MYO1B: variants seen among roughly 807,000 people sequenced by gnomAD.
MYO1B encodes the protein myosin IB, also known as unconventional myosin-Ib.
MYO1B carries 72 observed loss-of-function variants against 159.7 expected under a neutral mutation model. That is an observed-to-expected ratio of 0.45 (90% CI 0.37 to 0.55). The LOEUF (loss-of-function observed/expected upper bound fraction) is 0.55, where lower values mean the gene tolerates loss of function less well. Ranked by LOEUF, MYO1B falls within the 20% of genes least tolerant of loss-of-function variation. The probability of loss-of-function intolerance (pLI) is 0.00; values close to 1 mark genes in which losing one functional copy is unlikely to be tolerated. For synonymous variants in MYO1B, 468 were observed against 473.8 expected (o/e 0.99, Z 0.16); for missense variants, 1,062 against 1,364.8 (o/e 0.78, Z 3.50).
chr2:191,294,643 A>G (rs1418373824), intron 2 of MYO1B, among the ~76,000 whole-genome samples: 1 of 152,186 alleles, frequency 6.6e-6, no homozygotes, highest in Admixed American at 6.5e-5. Context: ...AGGCCAGATT[A>G]ATTGGGTCCT....
intron 24 of MYO1B, among the ~76,000 whole-genome samples, chr2:191,406,653 T>G (rs1696932850): frequency 6.6e-6 from 1 of 152,206 alleles, no homozygotes; most frequent in Non-Finnish European, 1.5e-5. Flanking sequence ...GTCTCTTGAT[T>G]AAGTTCACCA....
chr2:191,346,058 T>A (rs1047583491), intron 5 of MYO1B, among the ~76,000 whole-genome samples, 178 bp from the exon 6 acceptor site: 1 of 152,232 alleles, frequency 6.6e-6, no homozygotes, highest in African/African-American at 2.4e-5. Flanking sequence ...ACATGGAAGC[T>A]TTAGCAACTT....
chr2:191,339,013 A>G (rs541864739), intron 4 of MYO1B, among the ~76,000 whole-genome samples: 2 of 152,322 alleles, frequency 1.3e-5, no homozygotes, highest in Admixed American at 1.3e-4. Flanking sequence ...CATATACATA[A>G]TATATGTGAG....
intron 4 of MYO1B, among the ~76,000 whole-genome samples, chr2:191,338,787 A>G (rs1692023982): frequency 6.6e-6 from 1 of 152,214 alleles, no homozygotes; most frequent in Non-Finnish European, 1.5e-5. Flanking sequence ...CAGAATAACA[A>G]AAGAGCCTGA....
Position 191,314,480 on chromosome 2 carries a change from T to C in MYO1B, c.252-15455T>C, listed in dbSNP as rs186464549. Among the ~76,000 whole-genome samples the C allele has an allele frequency of 7.4e-4, 112 of 152,362 alleles. 1 individual carries two copies. Among genetic ancestry groups the C allele is most frequent in the Middle Eastern group, 3.4e-3 (1 of 294 alleles). ...ATATTACTGATTTTCTTGGAACCAA[T>C]ATGTCTGTTGGAATTATTAGAAAAT... On this transcript the variant is annotated intron_variant, in intron 3 of 30. Coordinates refer to ENST00000392318, the MANE Select transcript of MYO1B (RefSeq NM_001130158.3).
chr2:191,387,206 T>C lies in MYO1B; in HGVS notation c.1555-18T>C. On this transcript the variant is annotated intron_variant, in intron 16 of 30. Transcript: ENST00000392318. The stretch of plus-strand genomic sequence containing the variant: ...GCATGCAATGTGCCTGTCATTGAGT[T>C]ACATGTGCTGCTTATAGGTGCTGTA... The C allele has an allele frequency of 6.2e-7, 1 of 1,605,054 alleles. No individual in the cohort carries two copies. Among genetic ancestry groups the C allele is most frequent in the African/African-American group, 1.3e-5 (1 of 74,758 alleles).
intron 2 of MYO1B, among the ~76,000 whole-genome samples, chr2:191,286,155 A>G (rs917195475): frequency 3.3e-5 from 5 of 152,178 alleles, no homozygotes; most frequent in Admixed American, 2.6e-4. Flanking sequence ...TGCATCACAA[A>G]TATGTTTCTG....
At chr2:191,337,758 C>T (rs6434463) in intron 4 of MYO1B, among the ~76,000 whole-genome samples, 13,771 of 152,064 alleles carry the variant, frequency 0.091, 2,044 homozygotes, top group African/African-American at 0.31. Flanking sequence ...TTTTAAATGA[C>T]AATATTCTTA....
Position 191,300,639 on chromosome 2 carries a change from C to CTTT in MYO1B, c.251+4427_251+4429dup, listed in dbSNP as rs1233709923. On this transcript the variant is annotated intron_variant, in intron 3 of 30. Transcript: ENST00000392318. ...TTACAGGTGTGACACTGTGCGCAGC[C>CTTT]TTTTTTTTTTTTTTTTAAGAGATGA... 3.9e-4 allele frequency among the ~76,000 whole-genome samples: 26 copies of CTTT among 66,930 alleles called. 1 individual carries two copies. Among genetic ancestry groups the CTTT allele is most frequent in the South Asian group, 7.4e-4 (1 of 1,356 alleles). The allele number at this position is 66,930 out of a possible 152,430, so 43.9% of individuals were successfully genotyped here. A position where few individuals can be genotyped will look rare whatever the true frequency, so the allele number is the denominator to read the frequency against.
chr2:191,384,005 A>G (rs1695255694), intron 15 of MYO1B, among the ~76,000 whole-genome samples: 1 of 152,202 alleles, frequency 6.6e-6, no homozygotes, highest in Non-Finnish European at 1.5e-5. Flanking sequence ...TGCAGAGGGC[A>G]TTGCATGTGT....
chr2:191,376,190 T>C (rs985230466), intron 13 of MYO1B, among the ~76,000 whole-genome samples: 1 of 152,174 alleles, frequency 6.6e-6, no homozygotes, highest in East Asian at 1.9e-4. Context: ...GAAGAAAAAA[T>C]GTTAAGGGAA....
chr2:191,326,152 C>T (rs934085887), intron 3 of MYO1B, among the ~76,000 whole-genome samples: 3 of 152,194 alleles, frequency 2.0e-5, no homozygotes, highest in African/African-American at 7.2e-5. Flanking sequence ...ACAATGCTGA[C>T]ACGGTCACAA....
intron 10 of MYO1B, 33 bp from the exon 11 acceptor site, chr2:191,364,125 C>A: frequency 6.5e-7 from 1 of 1,537,124 alleles, no homozygotes; most frequent in South Asian, 1.1e-5. Flanking sequence ...CGTGTACAGT[C>A]ACTTTTTGTG....
chr2:191,298,469 C>T (rs904079227), intron 3 of MYO1B, among the ~76,000 whole-genome samples: 1 of 152,136 alleles, frequency 6.6e-6, no homozygotes, highest in African/African-American at 2.4e-5. Context: ...ATCAGAATTC[C>T]CCCAGGGGCT....
chr2:191,384,885 A>T (rs1347607770), intron 15 of MYO1B, among the ~76,000 whole-genome samples: 1 of 152,244 alleles, frequency 6.6e-6, no homozygotes, highest in African/African-American at 2.4e-5. Flanking sequence ...TCCTTCCAGC[A>T]TCATTAAACA....
At chr2:191,379,576 T>A (rs1694922084) in intron 13 of MYO1B, among the ~76,000 whole-genome samples, 1 of 152,320 alleles carries the variant, frequency 6.6e-6, no homozygotes, top group South Asian at 2.1e-4. Context: ...AGGACACTAG[T>A]GCTTTCCTTT....
chr2:191,384,499 G>A (rs1335846421), intron 15 of MYO1B, among the ~76,000 whole-genome samples: 1 of 151,950 alleles, frequency 6.6e-6, no homozygotes, highest in Non-Finnish European at 1.5e-5. Flanking sequence ...ATATTCTAAG[G>A]CATCACTATT....
chr2:191,313,447 C>T (rs377748285), intron 3 of MYO1B, among the ~76,000 whole-genome samples: 4 of 151,706 alleles, frequency 2.6e-5, no homozygotes, highest in Non-Finnish European at 4.4e-5. Flanking sequence ...TGCAGTGGCA[C>T]GATCTCGGCT....
In MYO1B at chr2:191,313,192, C is replaced by CT. The variant is rs762175060; in HGVS notation, c.252-16708dup. On this transcript the variant is annotated intron_variant, in intron 3 of 30. Coordinates refer to ENST00000392318, the MANE Select transcript of MYO1B (RefSeq NM_001130158.3). Reference sequence around the variant, plus strand: ...TAGTTATAATATCTGGCACACATGGCTTTTTTTTTTTTTTTTTTTTTTTTT... The same window carrying CT: ...TAGTTATAATATCTGGCACACATGGCTTTTTTTTTTTTTTTTTTTTTTTTTT... 6.5e-4 allele frequency among the ~76,000 whole-genome samples: 28 copies of CT among 43,008 alleles called. 8 individuals are homozygous for CT. Among genetic ancestry groups the CT allele is most frequent in the African/African-American group, 2.3e-3 (21 of 9,038 alleles). 28.2% of individuals were successfully genotyped at this position (43,008 alleles called of 152,430 possible).
Sources: gnomAD v4.1 joint callset for allele counts (sites outside exome capture counted in the v4.1 genomes callset) on GRCh38, gnomAD v4.1.1 for gene constraint, MANE v1.5 for transcripts, NCBI Gene and HGNC (gene_info 2026-07-23, HGNC 2026-07-21) for gene names.